PTPRT: variants seen among roughly 807,000 people sequenced by gnomAD.
The protein encoded by PTPRT is receptor-type tyrosine-protein phosphatase T.
In PTPRT, 56 loss-of-function variants were observed where a neutral mutation model predicts 176.8. The observed-to-expected ratio is 0.32, with a 90% CI of 0.26 to 0.40. The LOEUF is 0.40. Ranked by LOEUF, PTPRT falls within the 10% of genes least tolerant of loss-of-function variation. The pLI, the probability that PTPRT is intolerant of heterozygous loss-of-function variation, is 1.00. For synonymous variants in PTPRT, 783 were observed against 739.0 expected, an observed-to-expected ratio of 1.06 and a Z score of -0.96; for missense variants, 1,540 against 1,908.2, an observed-to-expected ratio of 0.81 and a Z score of 3.60.
chr20:43,087,363 CTTTTT>C (rs1207811758), intron 1 of PTPRT, among the ~76,000 whole-genome samples: 5 of 50,370 alleles, frequency 9.9e-5, no homozygotes, highest in Admixed American at 4.2e-4. Flanking sequence ...ACTGTCCGTC[CTTTTT>C]TTTTTTTTTT....
At chr20:42,976,407 ATT>A (rs58685843) in intron 1 of PTPRT, among the ~76,000 whole-genome samples, 3 of 145,458 alleles carry the variant, frequency 2.1e-5, no homozygotes, top group Admixed American at 6.9e-5. Flanking sequence ...TTTTTTATTT[ATT>A]TTTTTTTTTT....
chr20:42,098,617 A>G (rs1433180167), intron 26 of PTPRT, 65 bp from the exon 27 acceptor site: 3 of 1,592,970 alleles, frequency 1.9e-6, no homozygotes. Flanking sequence ...GATGATGATG[A>G]GGCCTGGACT....
chr20:43,012,211 C>T (rs1457516093), intron 1 of PTPRT, among the ~76,000 whole-genome samples: 1 of 152,192 alleles, frequency 6.6e-6, no homozygotes, highest in African/African-American at 2.4e-5. Flanking sequence ...CGAACCCTGA[C>T]TAATACAACA....
chr20:43,017,399 C>T (rs914880415), intron 1 of PTPRT, among the ~76,000 whole-genome samples: 2 of 152,018 alleles, frequency 1.3e-5, no homozygotes, highest in African/African-American at 4.8e-5. Context: ...TCCGCCCAAT[C>T]GCATCTCCCT....
chr20:42,766,962 CAGGCTA>C (rs2076991293), intron 5 of PTPRT, among the ~76,000 whole-genome samples: 3 of 152,138 alleles, frequency 2.0e-5, no homozygotes, highest in African/African-American at 7.2e-5. Context: ...TGGAAATTCT[CAGGCTA>C]AGTCACCCCA....
At chr20:42,104,855 T>C in intron 24 of PTPRT, 137 bp from the exon 25 acceptor site, 1 of 997,888 alleles carries the variant, frequency 1.0e-6, no homozygotes, top group South Asian at 2.1e-5. Flanking sequence ...CTTTTTATAC[T>C]GTAACCCAAA....
At chr20:42,818,948 G>A (rs1039962027) in intron 2 of PTPRT, among the ~76,000 whole-genome samples, 1 of 152,134 alleles carries the variant, frequency 6.6e-6, no homozygotes, top group Admixed American at 6.6e-5. Flanking sequence ...AAAGAGATGG[G>A]GAGAGTGGAA....
At chr20:43,181,539 C>A (rs1025683937) in intron 1 of PTPRT, among the ~76,000 whole-genome samples, 3 of 152,172 alleles carry the variant, frequency 2.0e-5, no homozygotes, top group African/African-American at 7.2e-5. Flanking sequence ...CTCACTGAAA[C>A]ACATAATATG....
At position 42,898,303 on chromosome 20, in the gene PTPRT, G is replaced by A. The variant is rs541327858; in HGVS notation, c.89-12371C>T. ...GCTCACTTGAAGCCTGGAACTCCTG[G>A]GCTCAAGCAATCCTCCTGTGCCAGC... On this transcript the variant is annotated intron_variant, in intron 1 of 30. Coordinates refer to ENST00000373187, the MANE Select transcript of PTPRT (RefSeq NM_007050.6). Among the ~76,000 whole-genome samples the A allele has an allele frequency of 2.0e-5, 3 of 152,250 alleles. No homozygotes were observed. The South Asian group carries it at 6.2e-4, about 32-fold the overall frequency.
chr20:42,517,006 C>T (rs1438610672), intron 7 of PTPRT, among the ~76,000 whole-genome samples: 1 of 152,064 alleles, frequency 6.6e-6, no homozygotes, highest in Non-Finnish European at 1.5e-5. Flanking sequence ...TTTCCTTTCT[C>T]ATGCTGTCCT....
At chr20:43,086,949 T>C (rs1248722981) in intron 1 of PTPRT, among the ~76,000 whole-genome samples, 1 of 152,358 alleles carries the variant, frequency 6.6e-6, no homozygotes, top group South Asian at 2.1e-4. Flanking sequence ...CCTTTATAGA[T>C]GTACAGTTCT....
intron 17 of PTPRT, 149 bp from the exon 18 acceptor site, chr20:42,142,151 T>C (rs976476662): frequency 1.0e-5 from 7 of 676,044 alleles, no homozygotes; most frequent in African/African-American, 3.6e-5. Flanking sequence ...GGGGAGGACA[T>C]AGATTTTGTC....
At chr20:42,234,083 C>G (rs1292775114) in intron 15 of PTPRT, among the ~76,000 whole-genome samples, 1 of 152,026 alleles carries the variant, frequency 6.6e-6, no homozygotes, top group Non-Finnish European at 1.5e-5. Context: ...CCCTGTATGC[C>G]CACATCTGCT....
intron 7 of PTPRT, among the ~76,000 whole-genome samples, chr20:42,521,601 C>T (rs2072177832): frequency 6.6e-6 from 1 of 152,114 alleles, no homozygotes; most frequent in Non-Finnish European, 1.5e-5. Flanking sequence ...AGCCTTTATG[C>T]TGATATCTCT....
At chr20:42,667,437 A>G (rs894285464) in intron 7 of PTPRT, among the ~76,000 whole-genome samples, 1 of 152,224 alleles carries the variant, frequency 6.6e-6, no homozygotes, top group Non-Finnish European at 1.5e-5. Flanking sequence ...CACTGTTTTC[A>G]TCACTATAAT....
chr20:43,100,355 CA>C (rs1200996947), intron 1 of PTPRT, among the ~76,000 whole-genome samples: 1 of 152,010 alleles, frequency 6.6e-6, no homozygotes, highest in Non-Finnish European at 1.5e-5. Flanking sequence ...CCAGCCTGGG[CA>C]ACAGGGTGAC....
At chr20:42,988,823 C>T (rs1026549560) in intron 1 of PTPRT, among the ~76,000 whole-genome samples, 6 of 152,158 alleles carry the variant, frequency 3.9e-5, no homozygotes, top group South Asian at 2.1e-4. Context: ...AACCATTCGA[C>T]GAGGTGACAG....
At chr20:43,089,545 C>A (rs1352757544) in intron 1 of PTPRT, among the ~76,000 whole-genome samples, 1 of 152,160 alleles carries the variant, frequency 6.6e-6, no homozygotes, top group Non-Finnish European at 1.5e-5. Context: ...ACAAGTGAGA[C>A]AATATCATAA....
At chr20:42,782,366 G>A (rs1382172594) in intron 3 of PTPRT, among the ~76,000 whole-genome samples, 5 of 152,098 alleles carry the variant, frequency 3.3e-5, no homozygotes, top group African/African-American at 7.2e-5. Flanking sequence ...CCACACATCC[G>A]TCTTAGGTGT....
Sources: allele counts gnomAD v4.1 joint callset (sites outside exome capture counted in the v4.1 genomes callset), GRCh38; gene constraint gnomAD v4.1.1; transcripts MANE v1.5; gene names NCBI Gene and HGNC (gene_info 2026-07-23, HGNC 2026-07-21).